The following WDR49 variants were observed in gnomAD, a reference collection of about 807,000 sequenced individuals.
WDR49 encodes cilia- and flagella-associated protein 337.
Under a neutral mutation model 119.5 loss-of-function variants are expected in WDR49, and 107 were observed. The ratio of observed to expected loss-of-function variants is 0.90; its 90% CI spans 0.77 to 1.05. WDR49 has a LOEUF of 1.05. Ranked by LOEUF, WDR49 falls within the 50% of genes least tolerant of loss-of-function variation. The pLI, the probability that WDR49 is intolerant of heterozygous loss-of-function variation, is 0.00. For missense variants in WDR49, 1,240 were observed against 1,220.5 expected, an observed-to-expected ratio of 1.02 and a Z score of -0.24; for synonymous variants, 425 against 418.8, an observed-to-expected ratio of 1.01 and a Z score of -0.18.
intron 17 of WDR49, among the ~76,000 whole-genome samples, chr3:167,500,505 AG>A (rs1751521660): frequency 1.3e-5 from 2 of 152,198 alleles, no homozygotes; most frequent in Non-Finnish European, 2.9e-5. Flanking sequence ...AAAGGAACCA[AG>A]AGGAACTCAA....
rs186526567 is a variant in WDR49 at position 167,481,771 on chromosome 3, C to G, written c.3032-2775G>C. 2.0e-5 allele frequency among the ~76,000 whole-genome samples: 3 copies of G among 151,608 alleles called. No individual in the cohort carries two copies. In the East Asian group the frequency reaches 5.8e-4, roughly 29 times the overall value. ...ACAAATGTGGAAACCCTTGATAAAC[C>G]CATCAGATCTCATGAAAGTTATTCA... On this transcript the variant is annotated intron_variant, in intron 18 of 18. Coordinates refer to ENST00000682715, the MANE Select transcript of WDR49 (RefSeq NM_001366157.1).
chr3:167,492,992 T>A (rs764090783), intron 18 of WDR49, among the ~76,000 whole-genome samples: 13 of 152,156 alleles, frequency 8.5e-5, no homozygotes, highest in Non-Finnish European at 1.8e-4. Flanking sequence ...TTTTGATGCC[T>A]GCTCTGTGCT....
chr3:167,486,687 C>G (rs1195320950), intron 18 of WDR49, among the ~76,000 whole-genome samples: 3 of 151,994 alleles, frequency 2.0e-5, no homozygotes, highest in African/African-American at 7.2e-5. Context: ...ATTTAACTAT[C>G]CTAAATAGAC....
intron 16 of WDR49, among the ~76,000 whole-genome samples, chr3:167,521,336 C>A (rs147774338): frequency 1.7e-3 from 265 of 152,200 alleles, no homozygotes; most frequent in African/African-American, 6.3e-3. Context: ...ATCAAAGAAC[C>A]CTCAACTATA....
At chr3:167,527,556 G>T (rs1752680199) in intron 15 of WDR49, among the ~76,000 whole-genome samples, 1 of 151,948 alleles carries the variant, frequency 6.6e-6, no homozygotes, top group African/African-American at 2.4e-5. Context: ...TTCTAGAGGA[G>T]AATTTTTTCT....
At position 167,564,357 on chromosome 3, in the gene WDR49, C is replaced by T. The variant is rs554875741; in HGVS notation, c.1510-4129G>A. Among the ~76,000 whole-genome samples the T allele has an allele frequency of 7.9e-5, 12 of 152,214 alleles. No homozygotes were observed. The South Asian group carries it at 2.1e-3, about 26-fold the overall frequency. Reference sequence around the variant, plus strand: ...TGACAATATTGGAATACAAGAATAACAATATAGGGGAAAGGGCGTTCAAAG... The same window carrying T: ...TGACAATATTGGAATACAAGAATAATAATATAGGGGAAAGGGCGTTCAAAG... On this transcript the variant is annotated intron_variant, in intron 8 of 18. Transcript: ENST00000682715.
At chr3:167,631,321 A>T (rs1033900794) in intron 2 of WDR49, among the ~76,000 whole-genome samples, 5 of 152,106 alleles carry the variant, frequency 3.3e-5, no homozygotes, top group Non-Finnish European at 7.4e-5. Context: ...TAAATAATTT[A>T]AAAAAGAGAT....
chr3:167,526,414 C>T (rs141924685), intron 15 of WDR49, among the ~76,000 whole-genome samples: 6 of 152,202 alleles, frequency 3.9e-5, no homozygotes, highest in African/African-American at 1.2e-4. Context: ...CGTTTCTTTA[C>T]CTGTTGTTCA....
rs188573627 is a variant in WDR49 at position 167,604,531 on chromosome 3, A to G, written c.959-63T>C. ...TGATTCTTCACAAGATATTAGTAAA[A>G]TGGAGCTGTTTTAATATGGAAAGTT... On this transcript the variant is annotated intron_variant, in intron 5 of 18. Transcript: ENST00000682715. 15 of 1,445,144 alleles carry G rather than the reference A, an allele frequency of 1.0e-5. No homozygotes were observed. In the Admixed American group the frequency reaches 3.6e-4, roughly 35 times the overall value. 89.5% of individuals were successfully genotyped at this position (1,445,144 alleles called of 1,614,324 possible).
chr3:167,654,128 C>T (rs1577304050), upstream of WDR49: 1 of 152,102 alleles, frequency 6.6e-6, no homozygotes, highest in Non-Finnish European at 1.5e-5. Flanking sequence ...TCATTCCACT[C>T]ATTTTTTATT....
At chr3:167,614,980 T>C (rs1039070741) in intron 5 of WDR49, among the ~76,000 whole-genome samples, 21 of 152,216 alleles carry the variant, frequency 1.4e-4, no homozygotes, top group Admixed American at 1.2e-3. Context: ...AAATCCCATA[T>C]ATTACATTTG....
In WDR49 at chr3:167,604,310, T is replaced by G; in HGVS notation, c.1117A>C (p.Asn373His). 6.2e-7 allele frequency: 1 copy of G among 1,613,382 alleles called. No individual in the cohort carries two copies. Among genetic ancestry groups the G allele is most frequent in the Non-Finnish European group, 8.5e-7 (1 of 1,179,718 alleles). The part of the protein sequence containing the change: ...IHAFDYHSRL[N>H]LIATAGINNK... ...GATTTATTTTACCTACCAATTAAAT[T>G]GAGCCGAGAGTGATAATCAAAAGCA... Residue 373 changes from asparagine (N) to histidine (H), a missense_variant, in exon 6 of 19, where the codon AAT becomes CAT. Physicochemically the swap from Asn to His is moderately conservative, Grantham distance 68. Coordinates refer to ENST00000682715, the MANE Select transcript of WDR49 (RefSeq NM_001366157.1).
chr3:167,603,901 T>C (rs1195755200), intron 6 of WDR49, among the ~76,000 whole-genome samples: 2 of 152,114 alleles, frequency 1.3e-5, no homozygotes, highest in East Asian at 3.9e-4. Context: ...GATGTGTGTG[T>C]GTGTGTGCAT....
intron 18 of WDR49, among the ~76,000 whole-genome samples, chr3:167,496,516 G>A (rs1263331645): frequency 2.0e-5 from 3 of 151,600 alleles, no homozygotes; most frequent in African/African-American, 7.3e-5. Flanking sequence ...ATCTAGCTCG[G>A]GTATACTCTG....
At chr3:167,515,392 G>A (rs569675558) in intron 16 of WDR49, among the ~76,000 whole-genome samples, 2 of 152,182 alleles carry the variant, frequency 1.3e-5, no homozygotes, top group South Asian at 4.2e-4. Flanking sequence ...AAAACCACAT[G>A]ATTACCTCAA....
chr3:167,656,117 A>T (rs1718597046), upstream of WDR49, among the ~76,000 whole-genome samples: 1 of 152,146 alleles, frequency 6.6e-6, no homozygotes, highest in Non-Finnish European at 1.5e-5. Flanking sequence ...GCTCAAAGGG[A>T]AAGAGTGGCA....
intron 8 of WDR49, among the ~76,000 whole-genome samples, chr3:167,565,407 A>ACT (rs1352615104): frequency 6.9e-6 from 1 of 145,852 alleles, no homozygotes; most frequent in Non-Finnish European, 1.5e-5. Flanking sequence ...ACACACACAC[A>ACT]CACACTTATA....
intron 18 of WDR49, among the ~76,000 whole-genome samples, chr3:167,485,782 C>T (rs575380022): frequency 6.6e-6 from 1 of 152,068 alleles, no homozygotes; most frequent in African/African-American, 2.4e-5. Flanking sequence ...CTAGGACTCA[C>T]TGATAATCCT....
intron 2 of WDR49, among the ~76,000 whole-genome samples, chr3:167,627,624 TAGAAAAGGCAAG>T (rs2108327753): frequency 6.6e-6 from 1 of 152,108 alleles, no homozygotes; most frequent in Non-Finnish European, 1.5e-5. Flanking sequence ...CTATTTAAGC[TAGAAAAGGCAAG>T]GAAAGGTTCT....
Sources: gnomAD v4.1 joint callset for allele counts (sites outside exome capture counted in the v4.1 genomes callset) on GRCh38, gnomAD v4.1.1 for gene constraint, MANE v1.5 for transcripts, NCBI Gene and HGNC (gene_info 2026-07-23, HGNC 2026-07-21) for gene names.